GSE1: variants seen among roughly 807,000 people sequenced by gnomAD.
GSE1 encodes the protein genetic suppressor element 1.
Under a neutral mutation model 112.6 loss-of-function variants are expected in GSE1, and 32 were observed. That is an observed-to-expected ratio of 0.28 (90% CI 0.21 to 0.38). The LOEUF (loss-of-function observed/expected upper bound fraction) is 0.38. Among genes scored for constraint, GSE1 ranks in the 10% least tolerant of loss-of-function variants. The pLI is 1.00. For missense variants in GSE1, 2,348 were observed against 1,699.2 expected (o/e 1.38, Z -6.71); for synonymous variants, 1,115 against 735.6 (o/e 1.52, Z -8.35).
chr16:85,266,098 A>G (rs549460103), intron 1 of GSE1, among the ~76,000 whole-genome samples: 3 of 152,294 alleles, frequency 2.0e-5, no homozygotes, highest in African/African-American at 7.2e-5. Flanking sequence ...AGGCCGTTCC[A>G]AGGAGCCCGA....
chr16:85,209,017 T>C (rs909160157), intron 1 of GSE1, among the ~76,000 whole-genome samples: 8 of 151,338 alleles, frequency 5.3e-5, no homozygotes, highest in Admixed American at 5.3e-4. Context: ...GTTCGCTGCG[T>C]GTTGGGGTTC....
intron 2 of GSE1, among the ~76,000 whole-genome samples, chr16:85,537,417 T>C (rs982908002): frequency 6.6e-6 from 1 of 152,152 alleles, no homozygotes; most frequent in African/African-American, 2.4e-5. Context: ...GCTTTAAAAA[T>C]GCAAAGGTGA....
chr16:85,276,879 G>T lies in GSE1; in HGVS notation c.2284-80584G>T, dbSNP rs143696329. Among the ~76,000 whole-genome samples, 19 of 152,308 alleles carry T rather than the reference G, an allele frequency of 1.2e-4. No individual in the cohort carries two copies. The South Asian group carries it at 3.7e-3, about 30-fold the overall frequency. ...CAGGTGTCCTCAGACTCCTGTGCAC[G>T]GTCAAGTTAGAGAACCCCCAAGGCC... On this transcript the variant is annotated intron_variant, in intron 1 of 2. Coordinates refer to the GSE1 transcript ENST00000637419.
At chr16:85,424,014 G>A (rs2048911504) in intron 2 of GSE1, among the ~76,000 whole-genome samples, 1 of 152,238 alleles carries the variant, frequency 6.6e-6, no homozygotes, top group Non-Finnish European at 1.5e-5. Context: ...GCCCTCACCT[G>A]CATCCACCAG....
chr16:85,555,090 G>A (rs2045133358), upstream of GSE1: 1 of 985,372 alleles, frequency 1.0e-6, no homozygotes, highest in Non-Finnish European at 1.2e-6. Flanking sequence ...AAGATGCCGC[G>A]TAGAGACGGA....
chr16:85,492,185 C>T (rs2051031220), intron 2 of GSE1, among the ~76,000 whole-genome samples: 1 of 152,202 alleles, frequency 6.6e-6, no homozygotes, highest in Non-Finnish European at 1.5e-5. Context: ...GGCGGGGACA[C>T]AGGGACCTTG....
Position 85,668,123 on chromosome 16 carries a change from C to T in GSE1, c.3131-17C>T. On this transcript the variant is annotated splice_polypyrimidine_tract_variant and intron_variant, in intron 13 of 15. Transcript: ENST00000253458. Reference sequence around the variant, plus strand: ...CCTTCCCCCAACACACTGATGCAAGCCCTGTCCCCTCCACAGGGAGCGTGG... The same window carrying T: ...CCTTCCCCCAACACACTGATGCAAGTCCTGTCCCCTCCACAGGGAGCGTGG... 1 of 1,549,900 alleles carries T rather than the reference C, an allele frequency of 6.5e-7. No homozygotes were observed. Among genetic ancestry groups the T allele is most frequent in the Non-Finnish European group, 8.7e-7 (1 of 1,143,694 alleles).
chr16:85,321,982 G>T (rs958518257), intron 1 of GSE1, among the ~76,000 whole-genome samples: 4 of 152,150 alleles, frequency 2.6e-5, no homozygotes, highest in Admixed American at 2.0e-4. Context: ...CGCCAGGGCC[G>T]TGTCCACCCA....
chr16:85,494,580 T>C (rs1318966761), intron 2 of GSE1, among the ~76,000 whole-genome samples: 1 of 152,058 alleles, frequency 6.6e-6, no homozygotes, highest in East Asian at 1.9e-4. Context: ...ATTTTTTGTA[T>C]TTTTGTAGAG....
intron 1 of GSE1, among the ~76,000 whole-genome samples, chr16:85,204,896 ACAGAC>A (rs1444231436): frequency 2.6e-5 from 4 of 152,200 alleles, no homozygotes; most frequent in African/African-American, 9.7e-5. Context: ...GGGACTGGGG[ACAGAC>A]CACAAGCTCA....
chr16:85,597,373 C>CAAAA (rs1165062872), intron 1 of GSE1, among the ~76,000 whole-genome samples: 77 of 31,598 alleles, frequency 2.4e-3, no homozygotes, highest in African/African-American at 4.9e-3. Flanking sequence ...GACTCTGTCT[C>CAAAA]AAAAAAAAAA....
chr16:85,226,070 G>A (rs190912819), intron 1 of GSE1, among the ~76,000 whole-genome samples: 1 of 152,180 alleles, frequency 6.6e-6, no homozygotes, highest in African/African-American at 2.4e-5. Flanking sequence ...CAAGGTGGAT[G>A]CTGCAGTGCC....
chr16:85,251,514 C>T (rs958085771), intron 1 of GSE1, among the ~76,000 whole-genome samples: 5 of 152,348 alleles, frequency 3.3e-5, no homozygotes, highest in Admixed American at 6.5e-5. Context: ...GCGGCCAGGC[C>T]GGGGCTCGAA....
At chr16:85,202,103 G>C (rs536726310) in intron 1 of GSE1, among the ~76,000 whole-genome samples, 1 of 152,240 alleles carries the variant, frequency 6.6e-6, no homozygotes. Flanking sequence ...GGGGCTGGCC[G>C]GCTTAGGAAG....
intron 1 of GSE1, chr16:85,278,736 A>G (rs1278915158): frequency 6.5e-6 from 1 of 152,714 alleles, no homozygotes; most frequent in African/African-American, 2.4e-5. Flanking sequence ...TAACTCACAT[A>G]TTCATGTTTC....
intron 2 of GSE1, among the ~76,000 whole-genome samples, chr16:85,638,131 C>T (rs963509021): frequency 6.6e-6 from 1 of 152,228 alleles, no homozygotes; most frequent in Non-Finnish European, 1.5e-5. Context: ...CTGGAAGTGC[C>T]TCTCGGTTTT....
In GSE1 at chr16:85,246,612, T is replaced by A. The variant is rs116784716; in HGVS notation, c.2283+74805T>A. ...ATCCCCGGCCCTGGAGGAGGAGAAATGAGGCGCTTTGCAGGGCTGGGAGCC... is the reference window on the plus strand; with the variant it reads ...ATCCCCGGCCCTGGAGGAGGAGAAAAGAGGCGCTTTGCAGGGCTGGGAGCC... On this transcript the variant is annotated intron_variant, in intron 1 of 2. Transcript: ENST00000637419. Among the ~76,000 whole-genome samples, 1,116 of 148,362 alleles carry A rather than the reference T, an allele frequency of 7.5e-3. 13 individuals carry two copies. Among genetic ancestry groups the A allele is most frequent in the African/African-American group, 0.026 (1,064 of 40,252 alleles).
At chr16:85,304,428 T>C (rs1422857998) in intron 1 of GSE1, among the ~76,000 whole-genome samples, 1 of 152,206 alleles carries the variant, frequency 6.6e-6, no homozygotes, top group Non-Finnish European at 1.5e-5. Context: ...AGCTGACTCC[T>C]GGGCATTGTG....
rs992397386 is a variant in GSE1 at position 85,545,397 on chromosome 16, C to T, written c.2465-88517C>T. 4.6e-5 allele frequency among the ~76,000 whole-genome samples: 7 copies of T among 152,336 alleles called. No individual in the cohort carries two copies. In the East Asian group the frequency reaches 9.6e-4, roughly 21 times the overall value. On this transcript the variant is annotated intron_variant, in intron 2 of 2. Transcript: ENST00000637419. ...CAGTTCTGCATGTAGACTGCAGATG[C>T]GGTGTTCTTGCCCTTCCTGTTTTTT...
Sources: gnomAD v4.1 joint callset for allele counts (sites outside exome capture counted in the v4.1 genomes callset) on GRCh38, gnomAD v4.1.1 for gene constraint, MANE v1.5 for transcripts, NCBI Gene and HGNC (gene_info 2026-07-23, HGNC 2026-07-21) for gene names.